Variants in TAFA1 observed in about 807,000 individuals in gnomAD.
TAFA1 encodes the protein TAFA chemokine like family member 1.
Under a neutral mutation model 18.5 loss-of-function variants are expected in TAFA1, and 4 were observed. The observed-to-expected ratio is 0.22, with a 90% CI of 0.11 to 0.49. The LOEUF is 0.49. TAFA1 is among the 20% of genes least tolerant of loss of function. The probability of loss-of-function intolerance (pLI) is 0.98; values close to 1 mark genes in which losing one functional copy is unlikely to be tolerated. For missense variants in TAFA1, 147 were observed against 169.0 expected (o/e 0.87, Z 0.72); for synonymous variants, 56 against 55.2 (o/e 1.01, Z -0.06).
intron 2 of TAFA1, among the ~76,000 whole-genome samples, chr3:68,345,164 C>CCA (rs1327916277): frequency 6.6e-6 from 1 of 152,122 alleles, no homozygotes; most frequent in Non-Finnish European, 1.5e-5. Context: ...CCATTTTGAA[C>CCA]CAGACCAACT....
intron 2 of TAFA1, among the ~76,000 whole-genome samples, chr3:68,233,623 A>C (rs1387754577): frequency 5.9e-5 from 9 of 152,022 alleles, no homozygotes; most frequent in African/African-American, 1.9e-4. Flanking sequence ...GTTTTCTACA[A>C]ATTTTAGGAT....
At chr3:68,035,124 G>C (rs1464090084) in intron 2 of TAFA1, among the ~76,000 whole-genome samples, 3 of 152,090 alleles carry the variant, frequency 2.0e-5, no homozygotes, top group African/African-American at 7.2e-5. Flanking sequence ...CCCAGATCTT[G>C]TCATCTCAGA....
intron 2 of TAFA1, among the ~76,000 whole-genome samples, chr3:68,089,304 G>A (rs942801694): frequency 1.3e-5 from 2 of 152,100 alleles, no homozygotes; most frequent in African/African-American, 4.8e-5. Flanking sequence ...AAGTTTAAAT[G>A]ATATATTATG....
chr3:68,190,861 C>T (rs1453924132), intron 2 of TAFA1, among the ~76,000 whole-genome samples: 1 of 151,760 alleles, frequency 6.6e-6, no homozygotes, highest in East Asian at 1.9e-4. Context: ...GTAATGTGAA[C>T]TTCCAATGAG....
Position 68,301,170 on chromosome 3 carries a change from G to C in TAFA1, c.119-116110G>C, listed in dbSNP as rs1265219008. On this transcript the variant is annotated intron_variant, in intron 2 of 4. Transcript: ENST00000478136. ...CCACCCCCAATTTATACTGTTCCCT[G>C]TCCCATTGTCACTTTTACTGTTTTC... is the stretch of plus-strand genomic sequence containing the variant. Among the ~76,000 whole-genome samples, 6 of 152,038 alleles carry C rather than the reference G, an allele frequency of 3.9e-5. No homozygotes were observed. In the East Asian group the frequency reaches 1.2e-3, roughly 29 times the overall value.
At chr3:68,187,274 A>G (rs1433261673) in intron 2 of TAFA1, among the ~76,000 whole-genome samples, 1 of 152,010 alleles carries the variant, frequency 6.6e-6, no homozygotes, top group East Asian at 1.9e-4. Flanking sequence ...GAATTGTACA[A>G]ATATAATGTA....
chr3:68,019,090 G>A (rs998381458), intron 2 of TAFA1, among the ~76,000 whole-genome samples: 1 of 152,222 alleles, frequency 6.6e-6, no homozygotes, highest in Admixed American at 6.5e-5. Context: ...AGGAATATCA[G>A]CAATCTACTC....
At chr3:68,160,121 A>T (rs2065908522) in intron 2 of TAFA1, among the ~76,000 whole-genome samples, 1 of 152,228 alleles carries the variant, frequency 6.6e-6, no homozygotes, top group South Asian at 2.1e-4. Flanking sequence ...CAGTGGTATG[A>T]TCTTTACTTT....
chr3:68,329,214 G>A (rs7639716), intron 2 of TAFA1, among the ~76,000 whole-genome samples: 75,660 of 130,310 alleles, frequency 0.58, 22,772 homozygotes, highest in East Asian at 1. Context: ...ATGCCTGGCT[G>A]CCTTTTTTTT....
intron 2 of TAFA1, among the ~76,000 whole-genome samples, chr3:68,297,735 CA>C (rs1197223449): frequency 6.7e-6 from 1 of 149,284 alleles, no homozygotes; most frequent in Non-Finnish European, 1.5e-5. Flanking sequence ...TCTGATCATT[CA>C]TTTTTTTTTT....
chr3:68,194,022 T>C (rs1389583334), intron 2 of TAFA1, among the ~76,000 whole-genome samples: 2 of 151,788 alleles, frequency 1.3e-5, no homozygotes, highest in South Asian at 2.1e-4. Context: ...GTTCTGAGAC[T>C]TGGGCTGAAA....
intron 2 of TAFA1, among the ~76,000 whole-genome samples, chr3:68,010,575 A>G (rs1704452192): frequency 6.6e-6 from 1 of 152,212 alleles, no homozygotes. Context: ...AAACTGACTC[A>G]TTTTAATGTA....
intron 2 of TAFA1, among the ~76,000 whole-genome samples, chr3:68,130,548 G>T (rs896074616): frequency 6.6e-6 from 1 of 152,110 alleles, no homozygotes; most frequent in Non-Finnish European, 1.5e-5. Flanking sequence ...ACAGCACTGT[G>T]CTCCCTTTCT....
intron 2 of TAFA1, among the ~76,000 whole-genome samples, chr3:68,327,794 G>C (rs1254813370): frequency 6.6e-6 from 1 of 152,062 alleles, no homozygotes; most frequent in African/African-American, 2.4e-5. Context: ...TATTAATGAA[G>C]GCTTTTCAAA....
intron 2 of TAFA1, among the ~76,000 whole-genome samples, chr3:68,087,864 T>A (rs904708568): frequency 2.0e-5 from 3 of 147,148 alleles, no homozygotes; most frequent in Non-Finnish European, 4.4e-5. Context: ...ATTTAAAAAA[T>A]TTTTTTCTAC....
intron 2 of TAFA1, among the ~76,000 whole-genome samples, chr3:68,415,075 C>T (rs1046883439): frequency 1.1e-4 from 16 of 152,144 alleles, no homozygotes; most frequent in African/African-American, 3.6e-4. Flanking sequence ...TAACTTGAAT[C>T]CCAGTGTCGT....
chr3:68,027,806 T>A (rs1704847642), intron 2 of TAFA1, among the ~76,000 whole-genome samples: 1 of 152,206 alleles, frequency 6.6e-6, no homozygotes, highest in African/African-American at 2.4e-5. Flanking sequence ...AGCTTAATGT[T>A]TTTGAATGAA....
intron 3 of TAFA1, among the ~76,000 whole-genome samples, chr3:68,522,582 C>T (rs1988562): frequency 6.6e-6 from 1 of 152,232 alleles, no homozygotes; most frequent in Admixed American, 6.5e-5. Flanking sequence ...GGTACAGAGG[C>T]TCATGCCTAT....
intron 2 of TAFA1, among the ~76,000 whole-genome samples, chr3:68,147,921 A>T (rs1201663091): frequency 6.6e-6 from 1 of 152,218 alleles, no homozygotes; most frequent in African/African-American, 2.4e-5. Context: ...AAAATATAAC[A>T]TTATTGTTGT....
Sources: allele counts gnomAD v4.1 joint callset (sites outside exome capture counted in the v4.1 genomes callset), GRCh38; gene constraint gnomAD v4.1.1; transcripts MANE v1.5; gene names NCBI Gene and HGNC (gene_info 2026-07-23, HGNC 2026-07-21).